SSC5D: variants seen among roughly 807,000 people sequenced by gnomAD.
SSC5D encodes soluble scavenger receptor cysteine-rich domain-containing protein SSC5D.
In SSC5D, 106 loss-of-function variants were observed where a neutral mutation model predicts 104.6. That is an observed-to-expected ratio of 1.01 (90% CI 0.87 to 1.19). The LOEUF (loss-of-function observed/expected upper bound fraction) is 1.19. Among genes scored for constraint, SSC5D ranks in the 50% most tolerant of loss-of-function variants. The pLI is 0.00. For missense variants in SSC5D, 1,993 were observed against 2,153.8 expected, an observed-to-expected ratio of 0.93 and a Z score of 1.48; for synonymous variants, 860 against 883.5, an observed-to-expected ratio of 0.97 and a Z score of 0.47.
At position 55,490,908 on chromosome 19, in the gene SSC5D, T is replaced by G. The variant is rs1987123986; in HGVS notation, c.723T>G (p.Cys241Trp). The G allele has an allele frequency of 1.9e-6, 3 of 1,544,728 alleles. No homozygotes were observed. Among genetic ancestry groups the G allele is most frequent in the Non-Finnish European group, 2.6e-6 (3 of 1,143,946 alleles). Reference protein sequence around the residue: ...DAAVACRELGCGGALAAPGGA... With the variant: ...DAAVACRELGWGGALAAPGGA... ...CTGTAGCCTGCCGGGAACTGGGCTG[T>G]GGGGGGGCGCTGGCTGCCCCCGGCG... Residue 241 changes from cysteine to tryptophan, a missense_variant, in exon 6 of 14, where the codon TGT becomes TGG. Cys to Trp is a radical substitution (Grantham distance 215). Transcript: ENST00000389623.
At chr19:55,492,847 C>T (rs1280208632) in intron 6 of SSC5D, 2 of 151,630 alleles carry the variant, frequency 1.3e-5, no homozygotes, top group Non-Finnish European at 2.9e-5. Flanking sequence ...TAGTGAGACC[C>T]TTTCCCTACA....
In SSC5D at chr19:55,488,551, C is replaced by T. The variant is rs918396199; in HGVS notation, c.-39C>T. ...CCTCCTCCTCTTCTCTCCCCGCTCT[C>T]CTTCCCCTTTCACCCCATCCCCTGC... On this transcript the variant is annotated 5_prime_UTR_variant, in exon 1 of 14. Transcript: ENST00000389623. 8 of 1,546,228 alleles carry T rather than the reference C, an allele frequency of 5.2e-6. No individual in the cohort carries two copies. The highest frequency in any genetic ancestry group is 7.0e-6 in the Non-Finnish European group (8 of 1,142,966).
chr19:55,489,856 C>A (rs1265488473), intron 3 of SSC5D, 26 bp from the exon 4 acceptor site: 2 of 1,540,760 alleles, frequency 1.3e-6, no homozygotes, highest in African/African-American at 1.4e-5. Flanking sequence ...CTCCTCATAG[C>A]TTCTGTCCCT....
Position 55,500,023 on chromosome 19 carries a change from G to C in SSC5D, c.1913G>C (p.Arg638Thr). ...AAGTGGGTGACAAAAAATGCAAAGA[G>C]ACCAACCACTCAACCCCCAGTGATG... ...TKKWVTKNAK[R>T]PTTQPPVMPT... The change falls in exon 10 of 14, where the codon AGA (arginine) becomes ACA (threonine). Residue 638 changes from arginine (R) to threonine (T), a missense_variant. By Grantham distance (71) the Arg-to-Thr change is moderately conservative. Coordinates refer to ENST00000389623, the MANE Select transcript of SSC5D (RefSeq NM_001144950.2). This position sits in a 1 kb window ranked among gnomAD's most constrained non-coding sequence, Gnocchi z 4.6. 1 of 1,551,680 alleles carries C rather than the reference G, an allele frequency of 6.4e-7. No individual in the cohort carries two copies. Among genetic ancestry groups the C allele is most frequent in the Non-Finnish European group, 8.7e-7 (1 of 1,147,006 alleles).
chr19:55,488,977 A>T lies in SSC5D; in HGVS notation c.26-29A>T, dbSNP rs755262733. On this transcript the variant is annotated intron_variant, in intron 1 of 13. Coordinates refer to ENST00000389623, the MANE Select transcript of SSC5D (RefSeq NM_001144950.2). ...GGGCCACCCCCGGCCTGCCCCTCAC[A>T]CTGCCCCACCCTCCGCCCTCCCTTC... 2.6e-6 allele frequency: 3 copies of T among 1,170,316 alleles called. No individual in the cohort carries two copies. In the South Asian group the frequency reaches 4.9e-5, roughly 19 times the overall value. The allele number at this position is 1,170,316 out of a possible 1,614,324, so 72.5% of individuals were successfully genotyped here.
At position 55,488,494 on chromosome 19, in the gene SSC5D, G is replaced by T; in HGVS notation, c.-96G>T. On this transcript the variant is annotated 5_prime_UTR_variant, in exon 1 of 14. In the 5' UTR this introduces an upstream ATG that the reference lacks. Coordinates refer to ENST00000389623, the MANE Select transcript of SSC5D (RefSeq NM_001144950.2). ...TCCTCGGGCCTGGGCGCCTCCAGCA[G>T]GCACTTCCCTCCCTCCCTCTCTCCC... The T allele has an allele frequency of 8.5e-7, 1 of 1,171,294 alleles. No homozygotes were observed. The allele number at this position is 1,171,294 out of a possible 1,614,324, so 72.6% of individuals were successfully genotyped here. A position where few individuals can be genotyped will look rare whatever the true frequency, so the allele number is the denominator to read the frequency against.
At chr19:55,494,577 G>A in intron 7 of SSC5D, 33 bp from the exon 8 acceptor site, 1 of 1,483,540 alleles carries the variant, frequency 6.7e-7, no homozygotes, top group Non-Finnish European at 9.0e-7. Flanking sequence ...GAGGGTGTGT[G>A]TGGGTGGCAA....
At chr19:55,495,749 T>C (rs1987310042) in intron 8 of SSC5D, among the ~76,000 whole-genome samples, 1 of 151,804 alleles carries the variant, frequency 6.6e-6, no homozygotes, top group South Asian at 2.1e-4. Context: ...GAATCTTTTA[T>C]ACATTTATTT....
At chr19:55,496,670 CACTT>C (rs1327822065) in intron 8 of SSC5D, among the ~76,000 whole-genome samples, 15 of 152,114 alleles carry the variant, frequency 9.9e-5, no homozygotes, top group African/African-American at 3.1e-4. Flanking sequence ...CAAGCAAAAA[CACTT>C]GTTCCAGGGC....
Position 55,515,278 on chromosome 19 carries a change from C to T in SSC5D, c.2948-1946C>T, listed in dbSNP as rs1987844174. On this transcript the variant is annotated intron_variant, in intron 13 of 13. Coordinates refer to ENST00000389623, the MANE Select transcript of SSC5D (RefSeq NM_001144950.2). ...GGGCATGGTGGCACATGCCTGTCAT[C>T]CCAGCTACTCAGGAAGTGGACACAG... Among the ~76,000 whole-genome samples, 4 of 151,636 alleles carry T rather than the reference C, an allele frequency of 2.6e-5. No homozygotes were observed. In the South Asian group the frequency reaches 8.3e-4, roughly 31 times the overall value.
At chr19:55,489,237 C>T in intron 2 of SSC5D, 117 bp from the exon 3 acceptor site, 1 of 1,223,618 alleles carries the variant, frequency 8.2e-7, no homozygotes, top group Non-Finnish European at 1.1e-6. Context: ...GGCCAGTGAG[C>T]AGGGCCACTG....
At chr19:55,513,204 G>A (rs1472977949) in intron 13 of SSC5D, 32 bp downstream of exon 13, 15 of 1,458,628 alleles carry the variant, frequency 1.0e-5, no homozygotes, top group African/African-American at 2.9e-5. Context: ...AGGAGACTGG[G>A]ACGGTATTTG....
chr19:55,492,553 G>C (rs141772870), intron 6 of SSC5D: 6 of 152,218 alleles, frequency 3.9e-5, no homozygotes, highest in African/African-American at 1.4e-4. Context: ...ACCCCGGGAG[G>C]GAGACGCTCC....
rs1987902122 is a variant in SSC5D at position 55,517,593 on chromosome 19, C to T, written c.3317C>T (p.Ser1106Leu). 1 of 1,551,644 alleles carries T rather than the reference C, an allele frequency of 6.4e-7. No homozygotes were observed. The highest frequency in any genetic ancestry group is 1.4e-5 in the African/African-American group (1 of 72,906). The change falls in exon 14 of 14, where the codon TCG becomes TTG. Residue 1106 changes from serine to leucine, a missense_variant. Physicochemically the swap from Ser to Leu is moderately radical, Grantham distance 145. Coordinates refer to ENST00000389623, the MANE Select transcript of SSC5D (RefSeq NM_001144950.2). Reference protein sequence around the residue: ...KELTSDPSTPSEVTSLSPTSE... With the variant: ...KELTSDPSTPLEVTSLSPTSE... ...CTGACCTCTGACCCTTCTACACCGTCGGAGGTGACCAGCCTTTCCCCTACC... is the reference window on the plus strand; with the variant it reads ...CTGACCTCTGACCCTTCTACACCGTTGGAGGTGACCAGCCTTTCCCCTACC...
chr19:55,504,004 A>G (rs1349234262), intron 12 of SSC5D: 6 of 1,061,454 alleles, frequency 5.7e-6, no homozygotes, highest in Non-Finnish European at 6.6e-6. Context: ...CCAGGCCCCA[A>G]GAAGCGGGCC....
intron 12 of SSC5D, among the ~76,000 whole-genome samples, chr19:55,508,142 G>A (rs1987679157): frequency 6.6e-6 from 1 of 152,164 alleles, no homozygotes; most frequent in South Asian, 2.1e-4. Context: ...GAGCGCCTGG[G>A]CTGAGGATAT....
intron 7 of SSC5D, among the ~76,000 whole-genome samples, chr19:55,494,114 A>G (rs1987243064): frequency 6.6e-6 from 1 of 151,882 alleles, no homozygotes; most frequent in African/African-American, 2.4e-5. Flanking sequence ...CCAAGGGGAC[A>G]TTGGACAGTG....
At position 55,505,063 on chromosome 19, in the gene SSC5D, C is replaced by G. The variant is rs550860959; in HGVS notation, c.2785+3862C>G. 6.5e-4 allele frequency among the ~76,000 whole-genome samples: 99 copies of G among 151,360 alleles called. 2 individuals carry two copies. Among genetic ancestry groups the G allele is most frequent in the African/African-American group, 2.3e-3 (93 of 40,694 alleles). Reference sequence around the variant, plus strand: ...TAAAATAGAAGCACGAGTCTGGAGTCCGACTCTCCTACCAGGTTCCAATCG... The same window carrying G: ...TAAAATAGAAGCACGAGTCTGGAGTGCGACTCTCCTACCAGGTTCCAATCG... On this transcript the variant is annotated intron_variant, in intron 12 of 13. Coordinates refer to ENST00000389623, the MANE Select transcript of SSC5D (RefSeq NM_001144950.2).
intron 12 of SSC5D, among the ~76,000 whole-genome samples, chr19:55,505,487 T>G (rs1256630116): frequency 6.6e-6 from 1 of 151,826 alleles, no homozygotes; most frequent in Non-Finnish European, 1.5e-5. Flanking sequence ...AGACTTATTA[T>G]TTTGCAGTTT....
Sources: allele counts gnomAD v4.1 joint callset (sites outside exome capture counted in the v4.1 genomes callset), GRCh38; gene constraint gnomAD v4.1.1; non-coding constraint Gnocchi (gnomAD v3.1); transcripts MANE v1.5; gene names NCBI Gene and HGNC (gene_info 2026-07-23, HGNC 2026-07-21).